PCP4: variants seen among roughly 807,000 people sequenced by gnomAD.
PCP4 encodes the protein Purkinje cell protein 4.
A neutral mutation model predicts 10.0 loss-of-function variants in PCP4; 8 were observed. The ratio of observed to expected loss-of-function variants is 0.80; its 90% confidence interval spans 0.47 to 1.45. PCP4 has a LOEUF of 1.45. Among genes scored for constraint, PCP4 ranks in the 40% most tolerant of loss-of-function variants. The probability of loss-of-function intolerance (pLI) is 0.00; values close to 1 mark genes in which losing one functional copy is unlikely to be tolerated. For synonymous variants in PCP4, 21 were observed against 23.0 expected, an observed-to-expected ratio of 0.91 and a Z score of 0.24; for missense variants, 54 against 74.4, an observed-to-expected ratio of 0.73 and a Z score of 1.01.
intron 1 of PCP4, among the ~76,000 whole-genome samples, chr21:39,883,021 C>T (rs1192019685): frequency 6.6e-6 from 1 of 152,208 alleles, no homozygotes; most frequent in Non-Finnish European, 1.5e-5. Context: ...ACAGCAGCTG[C>T]TCTAGCTAGC....
Position 39,928,979 on chromosome 21 carries a change from T to C in PCP4, c.62-5T>C, listed in dbSNP as rs761993077. 8 of 1,612,058 alleles carry C rather than the reference T, an allele frequency of 5.0e-6. No individual in the cohort carries two copies. The highest frequency in any genetic ancestry group is 6.8e-6 in the Non-Finnish European group (8 of 1,178,956). On this transcript the variant is annotated splice_polypyrimidine_tract_variant and splice_region_variant and intron_variant, in intron 2 of 2. Coordinates refer to ENST00000328619, the MANE Select transcript of PCP4 (RefSeq NM_006198.3). ...TGCCTTCTGTTTGTGTTTGTCTTGC[T>C]ACAGATGGACAGAAGAAAGTTCAAG...
chr21:39,887,383 G>C (rs2087405846), intron 1 of PCP4, among the ~76,000 whole-genome samples: 1 of 147,782 alleles, frequency 6.8e-6, no homozygotes, highest in Non-Finnish European at 1.5e-5. Flanking sequence ...AAACCTTCTA[G>C]CTGAAGTTTT....
Position 39,929,152 on chromosome 21 carries a change from CA to C in PCP4, c.*43del. The C allele has an allele frequency of 6.3e-7, 1 of 1,576,982 alleles. No homozygotes were observed. ...CTAGTCCACCTGAAAACACCAAATT[CA>C]ACCATCATCTGTCAAGAAATTAAAA... is the stretch of plus-strand genomic sequence containing the variant. On this transcript the variant is annotated 3_prime_UTR_variant, in exon 3 of 3. Coordinates refer to ENST00000328619, the MANE Select transcript of PCP4 (RefSeq NM_006198.3).
chr21:39,895,361 C>T (rs1726175991), intron 1 of PCP4, among the ~76,000 whole-genome samples: 1 of 152,250 alleles, frequency 6.6e-6, no homozygotes, highest in Admixed American at 6.5e-5. Flanking sequence ...TTGTTTGCCT[C>T]TGCTTATTCC....
At chr21:39,918,238 A>T (rs149002046) in intron 2 of PCP4, among the ~76,000 whole-genome samples, 1 of 152,326 alleles carries the variant, frequency 6.6e-6, no homozygotes, top group African/African-American at 2.4e-5. Flanking sequence ...TCCTCGCTTA[A>T]TAAATTTGGA....
At chr21:39,881,222 A>G (rs1482513219) in intron 1 of PCP4, among the ~76,000 whole-genome samples, 1 of 152,074 alleles carries the variant, frequency 6.6e-6, no homozygotes, top group African/African-American at 2.4e-5. Context: ...GTTCTAGTTG[A>G]ATGTTGGGGG....
intron 1 of PCP4, among the ~76,000 whole-genome samples, chr21:39,893,534 C>G (rs962145928): frequency 1.3e-5 from 2 of 152,248 alleles, no homozygotes; most frequent in East Asian, 3.9e-4. Flanking sequence ...AACCCAGAGG[C>G]ATCTCATCTG....
intron 2 of PCP4, among the ~76,000 whole-genome samples, chr21:39,922,614 A>C (rs1024805100): frequency 1.3e-5 from 2 of 152,072 alleles, no homozygotes; most frequent in Admixed American, 1.3e-4. Flanking sequence ...TCATTATTCA[A>C]GGGCCATTGG....
chr21:39,873,616 A>G (rs1003689016), intron 1 of PCP4, among the ~76,000 whole-genome samples: 6 of 152,130 alleles, frequency 3.9e-5, no homozygotes, highest in Admixed American at 2.0e-4. Context: ...GGGATGAACT[A>G]TTTACCATTC....
chr21:39,874,227 T>C (rs1267269705), intron 1 of PCP4, among the ~76,000 whole-genome samples: 1 of 152,224 alleles, frequency 6.6e-6, no homozygotes, highest in Non-Finnish European at 1.5e-5. Context: ...TCAAGGTTTC[T>C]GCCCTCCATT....
intron 2 of PCP4, among the ~76,000 whole-genome samples, chr21:39,927,490 C>T (rs1329054822): frequency 1.3e-5 from 2 of 152,154 alleles, no homozygotes; most frequent in Non-Finnish European, 2.9e-5. Context: ...GAGCTGGTGC[C>T]TGAGCATTAT....
At chr21:39,894,282 A>C (rs143936081) in intron 1 of PCP4, among the ~76,000 whole-genome samples, 91 of 152,298 alleles carry the variant, frequency 6.0e-4, no homozygotes, top group African/African-American at 2.1e-3. Context: ...AGAAGAAAAG[A>C]TAGCAAAATC....
intron 2 of PCP4, among the ~76,000 whole-genome samples, chr21:39,907,984 G>T (rs779449670): frequency 6.6e-6 from 1 of 152,144 alleles, no homozygotes; most frequent in African/African-American, 2.4e-5. Flanking sequence ...TGGCCTTTGG[G>T]CCAGGTCACC....
At chr21:39,874,638 A>G (rs1322876603) in intron 1 of PCP4, among the ~76,000 whole-genome samples, 1 of 148,502 alleles carries the variant, frequency 6.7e-6, no homozygotes, top group African/African-American at 2.5e-5. Flanking sequence ...AAATAATATA[A>G]TTTCTTCCTT....
At chr21:39,871,143 T>C (rs2087317774) in intron 1 of PCP4, among the ~76,000 whole-genome samples, 1 of 152,226 alleles carries the variant, frequency 6.6e-6, no homozygotes, top group Admixed American at 6.5e-5. Context: ...TACATGCAGT[T>C]AACTCGTGAG....
chr21:39,880,156 ATCTATATCTAT>A (rs1601172369), intron 1 of PCP4, among the ~76,000 whole-genome samples: 1 of 149,972 alleles, frequency 6.7e-6, no homozygotes, highest in East Asian at 1.9e-4. Flanking sequence ...CTATATCTAT[ATCTATATCTAT>A]ATCTATATCT....
intron 1 of PCP4, among the ~76,000 whole-genome samples, chr21:39,880,136 ATATCTATATCTATATC>A (rs1024837710): frequency 7.6e-5 from 5 of 66,164 alleles, no homozygotes; most frequent in African/African-American, 3.5e-4. Flanking sequence ...ATCTGTATCT[ATATCTATATCTATATC>A]TATATCTATA....
At chr21:39,873,648 G>A (rs2087331116) in intron 1 of PCP4, among the ~76,000 whole-genome samples, 1 of 152,020 alleles carries the variant, frequency 6.6e-6, no homozygotes, top group Non-Finnish European at 1.5e-5. Flanking sequence ...TTTCAAATGA[G>A]GTGCAATGTG....
chr21:39,921,197 C>G (rs1303104074), intron 2 of PCP4, among the ~76,000 whole-genome samples: 1 of 152,168 alleles, frequency 6.6e-6, no homozygotes, highest in African/African-American at 2.4e-5. Context: ...TGTGTTTAGA[C>G]TTGGACCATC....
Sources: allele counts gnomAD v4.1 joint callset (sites outside exome capture counted in the v4.1 genomes callset), GRCh38; gene constraint gnomAD v4.1.1; transcripts MANE v1.5; gene names NCBI Gene and HGNC (gene_info 2026-07-23, HGNC 2026-07-21).